The following GRM8 variants were observed in gnomAD, a reference collection of about 807,000 sequenced individuals.
The protein encoded by GRM8 is glutamate metabotropic receptor 8.
Under a neutral mutation model 87.2 loss-of-function variants are expected in GRM8, and 47 were observed. The ratio of observed to expected loss-of-function variants is 0.54; its 90% CI spans 0.43 to 0.69. The LOEUF (loss-of-function observed/expected upper bound fraction) is 0.69. GRM8 is among the 30% of genes least tolerant of loss of function. GRM8 has a pLI of 0.00. For synonymous variants in GRM8, 396 were observed against 404.5 expected (o/e 0.98, Z 0.25); for missense variants, 1,019 against 1,139.2 (o/e 0.89, Z 1.52).
chr7:126,529,668 T>G (rs571891357), intron 9 of GRM8, among the ~76,000 whole-genome samples: 53 of 152,342 alleles, frequency 3.5e-4, no homozygotes, highest in African/African-American at 1.2e-3. Flanking sequence ...CATTGGAGGT[T>G]GACAGTGTCA....
intron 3 of GRM8, among the ~76,000 whole-genome samples, chr7:127,087,899 C>T (rs1823672885): frequency 2.0e-5 from 3 of 152,164 alleles, no homozygotes; most frequent in Admixed American, 2.0e-4. Context: ...AATAATAGGG[C>T]TCCCCCAGAG....
intron 6 of GRM8, among the ~76,000 whole-genome samples, chr7:126,838,087 C>A (rs1446233995): frequency 6.6e-6 from 1 of 152,196 alleles, no homozygotes; most frequent in African/African-American, 2.4e-5. Flanking sequence ...TAAATACTAC[C>A]TGTGCCCTTA....
chr7:126,529,099 T>C (rs1414440966), intron 9 of GRM8, among the ~76,000 whole-genome samples: 1 of 152,132 alleles, frequency 6.6e-6, no homozygotes, highest in Non-Finnish European at 1.5e-5. Flanking sequence ...AAACATGTAG[T>C]AGTCCTATTT....
intron 7 of GRM8, among the ~76,000 whole-genome samples, chr7:126,654,884 G>A (rs1804326781): frequency 6.6e-6 from 1 of 152,076 alleles, no homozygotes; most frequent in South Asian, 2.1e-4. Context: ...AAACAGGAGT[G>A]AAAATTAAAG....
chr7:126,696,919 G>A (rs770519753), intron 7 of GRM8, among the ~76,000 whole-genome samples: 34 of 151,988 alleles, frequency 2.2e-4, no homozygotes, highest in Non-Finnish European at 3.4e-4. Context: ...ATATCCGCAC[G>A]CCAATGTTCG....
chr7:127,019,653 A>C (rs1816064068), intron 3 of GRM8, among the ~76,000 whole-genome samples: 1 of 152,096 alleles, frequency 6.6e-6, no homozygotes, highest in Non-Finnish European at 1.5e-5. Flanking sequence ...GAATCATTAC[A>C]CGGGCACACT....
At chr7:126,485,249 T>C (rs1478583115) in intron 9 of GRM8, among the ~76,000 whole-genome samples, 1 of 149,904 alleles carries the variant, frequency 6.7e-6, no homozygotes, top group South Asian at 2.1e-4. Flanking sequence ...CATAATAATA[T>C]GGGGTAACAC....
intron 7 of GRM8, among the ~76,000 whole-genome samples, chr7:126,740,251 C>A (rs1814788755): frequency 6.6e-6 from 1 of 152,068 alleles, no homozygotes; most frequent in African/African-American, 2.4e-5. Context: ...AAGACTCAAG[C>A]TGATATCAAT....
At chr7:126,793,279 T>C (rs1821565831) in intron 6 of GRM8, among the ~76,000 whole-genome samples, 1 of 152,234 alleles carries the variant, frequency 6.6e-6, no homozygotes, top group South Asian at 2.1e-4. Flanking sequence ...TGCATTTTAT[T>C]GTTTTGCTTA....
chr7:126,931,631 G>T (rs1805781519), intron 3 of GRM8, among the ~76,000 whole-genome samples: 1 of 152,058 alleles, frequency 6.6e-6, no homozygotes, highest in Non-Finnish European at 1.5e-5. Flanking sequence ...GTCTCACCAA[G>T]ACAACTGAAC....
chr7:126,669,821 T>C (rs1389829093), intron 7 of GRM8, among the ~76,000 whole-genome samples: 2 of 152,212 alleles, frequency 1.3e-5, no homozygotes, highest in African/African-American at 4.8e-5. Flanking sequence ...TGTAAAATGT[T>C]ATAAGAAGGC....
intron 3 of GRM8, among the ~76,000 whole-genome samples, chr7:127,021,802 AT>A (rs1284047940): frequency 6.6e-6 from 1 of 152,108 alleles, no homozygotes; most frequent in Non-Finnish European, 1.5e-5. Flanking sequence ...GAATCCAACC[AT>A]TTTTAAGGTG....
At chr7:126,657,424 C>CA (rs1050303361) in intron 7 of GRM8, among the ~76,000 whole-genome samples, 3 of 151,524 alleles carry the variant, frequency 2.0e-5, no homozygotes, top group African/African-American at 2.4e-5. Context: ...AACCCCCCCC[C>CA]AAAAAAGTCA....
intron 3 of GRM8, among the ~76,000 whole-genome samples, chr7:127,024,876 C>T (rs1816625931): frequency 6.6e-6 from 1 of 152,088 alleles, no homozygotes. Context: ...CCTCATCCCT[C>T]CCACTCCACT....
At chr7:126,441,903 T>C (rs2150447148) in intron 10 of GRM8, among the ~76,000 whole-genome samples, 1 of 152,192 alleles carries the variant, frequency 6.6e-6, no homozygotes, top group East Asian at 1.9e-4. Context: ...GCTTATCTTA[T>C]CTACATTGCT....
chr7:126,519,165 T>C (rs1032516259), intron 9 of GRM8, among the ~76,000 whole-genome samples: 1 of 152,096 alleles, frequency 6.6e-6, no homozygotes, highest in Non-Finnish European at 1.5e-5. Context: ...AGAATTATGA[T>C]GATCTCTTCC....
At chr7:126,884,232 G>A (rs1454841906) in intron 6 of GRM8, among the ~76,000 whole-genome samples, 1 of 151,938 alleles carries the variant, frequency 6.6e-6, no homozygotes, top group Non-Finnish European at 1.5e-5. Context: ...AAAAGATGGA[G>A]GCATTAAGAG....
chr7:127,137,489 C>A (rs144538668), intron 2 of GRM8, among the ~76,000 whole-genome samples: 37 of 152,198 alleles, frequency 2.4e-4, no homozygotes, highest in Middle Eastern at 3.4e-3. Flanking sequence ...TTGGTAATTG[C>A]AGTTGGCTCC....
At chr7:127,138,541 T>C (rs1218468574) in intron 2 of GRM8, among the ~76,000 whole-genome samples, 1 of 152,114 alleles carries the variant, frequency 6.6e-6, no homozygotes, top group African/African-American at 2.4e-5. Flanking sequence ...GTCATCTGAG[T>C]GATCCCAGGG....
Sources: gnomAD v4.1 joint callset for allele counts (sites outside exome capture counted in the v4.1 genomes callset) on GRCh38, gnomAD v4.1.1 for gene constraint, MANE v1.5 for transcripts, NCBI Gene and HGNC (gene_info 2026-07-23, HGNC 2026-07-21) for gene names.